PKHD1: variants seen among roughly 807,000 people sequenced by gnomAD.
PKHD1 encodes the protein PKHD1 ciliary IPT domain containing fibrocystin/polyductin.
PKHD1 carries 291 observed loss-of-function variants against 412.0 expected under a neutral mutation model. The observed-to-expected ratio is 0.71, with a 90% CI of 0.64 to 0.78. The LOEUF is 0.78. Ranked by LOEUF, PKHD1 falls within the 30% of genes least tolerant of loss-of-function variation. PKHD1 has a pLI of 0.00. For synonymous variants in PKHD1, 1,777 were observed against 1,821.5 expected (o/e 0.98, Z 0.62); for missense variants, 4,825 against 4,950.7 (o/e 0.97, Z 0.76).
chr6:51,996,981 G>A (rs968637163), intron 35 of PKHD1, among the ~76,000 whole-genome samples: 2 of 152,186 alleles, frequency 1.3e-5, no homozygotes, highest in African/African-American at 4.8e-5. Flanking sequence ...TCACTCATTG[G>A]CCAAAACCAA....
rs1375847774 is a variant in PKHD1 at position 52,010,338 on chromosome 6, T to C, written c.5722A>G (p.Ile1908Val). Residue 1908 changes from isoleucine (I) to valine (V), a missense_variant, in exon 35 of 67, where the codon ATA (isoleucine) becomes GTA (valine). Coordinates refer to ENST00000371117, the MANE Select transcript of PKHD1 (RefSeq NM_138694.4). ...GTGTTCTGGCCCCAGCGTTTCCGTA[T>C]CTCAGTAATCTTGACGGTAATTGGC... ...NQPITVKITE[I>V]RKRWGQNTQG... 2 of 1,613,818 alleles carry C rather than the reference T, an allele frequency of 1.2e-6. No individual in the cohort carries two copies. The highest frequency in any genetic ancestry group is 2.2e-5 in the East Asian group (1 of 44,892).
At chr6:52,036,951 T>C (rs1305434695) in intron 27 of PKHD1, among the ~76,000 whole-genome samples, 1 of 152,148 alleles carries the variant, frequency 6.6e-6, no homozygotes, top group African/African-American at 2.4e-5. Flanking sequence ...TTCTTAAGTT[T>C]AATGAAAAAT....
At chr6:51,739,988 G>T (rs1466684474) in intron 60 of PKHD1, 1 of 518,942 alleles carries the variant, frequency 1.9e-6, no homozygotes, top group South Asian at 1.4e-5. Context: ...AATTCTACCT[G>T]AATGGGACAT....
At chr6:52,081,713 T>C (rs2128242374) in intron 4 of PKHD1, among the ~76,000 whole-genome samples, 1 of 152,304 alleles carries the variant, frequency 6.6e-6, no homozygotes, top group Non-Finnish European at 1.5e-5. Flanking sequence ...AAAGGTGGCA[T>C]TTGTGGTATG....
intron 35 of PKHD1, among the ~76,000 whole-genome samples, chr6:51,998,925 A>C (rs1230840082): frequency 6.6e-6 from 1 of 152,186 alleles, no homozygotes; most frequent in African/African-American, 2.4e-5. Context: ...TTGTTGGGAT[A>C]TCCACAACCC....
chr6:51,815,538 ACT>A (rs1765317355), intron 52 of PKHD1, among the ~76,000 whole-genome samples: 1 of 152,180 alleles, frequency 6.6e-6, no homozygotes, highest in African/African-American at 2.4e-5. Context: ...AGTAAAAATA[ACT>A]GGAAAAGAAA....
rs185596231 is a variant in PKHD1, at chr6:52,071,968, T to C, written c.602+147A>G. 1.5e-5 allele frequency: 10 copies of C among 671,620 alleles called. No individual in the cohort carries two copies. The African/African-American group carries it at 1.6e-4, about 11-fold the overall frequency. 41.6% of individuals were successfully genotyped at this position (671,620 alleles called of 1,614,324 possible). A position where few individuals can be genotyped will look rare whatever the true frequency, so the allele number is the denominator to read the frequency against. ...TGTGTCTTTTTCAGTAGTCTAAAGA[T>C]AAGGTAGTAAATAGCTATGTGTGAT... On this transcript the variant is annotated intron_variant, in intron 8 of 66. Coordinates refer to ENST00000371117, the MANE Select transcript of PKHD1 (RefSeq NM_138694.4).
At chr6:51,622,028 A>G (rs1766686234) in intron 66 of PKHD1, 1 of 152,186 alleles carries the variant, frequency 6.6e-6, no homozygotes. Context: ...CTGTTCCTCC[A>G]TGCCTCTTAG....
chr6:51,810,493 GT>G (rs1764530594), intron 52 of PKHD1, among the ~76,000 whole-genome samples: 1 of 152,114 alleles, frequency 6.6e-6, no homozygotes, highest in African/African-American at 2.4e-5. Context: ...AGTATCCCAA[GT>G]TTTCCAAGAC....
At position 51,939,228 on chromosome 6, in the gene PKHD1, ACC is replaced by A. The variant is rs1788065316; in HGVS notation, c.5909-4908_5909-4907del. Among the ~76,000 whole-genome samples the A allele has an allele frequency of 6.8e-5, 10 of 147,482 alleles. 1 individual carries two copies. The South Asian group carries it at 2.2e-3, about 32-fold the overall frequency. On this transcript the variant is annotated intron_variant, in intron 36 of 66. Transcript: ENST00000371117. ...TTTCTGGGGGGCAAGAACCCCCCCA[ACC>A]CCTTCTCCTTCACCCTTAGTGGCAA...
Position 51,920,303 on chromosome 6 carries a change from C to T in PKHD1, c.6122-7727G>A, listed in dbSNP as rs138471678. Reference sequence around the variant, plus strand: ...CTTATGAGTTTGACATACATCCCGTCAATACCTAGTTTATTCAGAGTTTTT... The same window carrying T: ...CTTATGAGTTTGACATACATCCCGTTAATACCTAGTTTATTCAGAGTTTTT... On this transcript the variant is annotated intron_variant, in intron 37 of 66. Coordinates refer to ENST00000371117, the MANE Select transcript of PKHD1 (RefSeq NM_138694.4). Among the ~76,000 whole-genome samples, 23 of 152,320 alleles carry T rather than the reference C, an allele frequency of 1.5e-4. No homozygotes were observed. In the East Asian group the frequency reaches 3.7e-3, roughly 24 times the overall value.
intron 50 of PKHD1, among the ~76,000 whole-genome samples, chr6:51,842,553 ATCAAC>A (rs1417327012): frequency 2.6e-5 from 4 of 152,104 alleles, no homozygotes; most frequent in Non-Finnish European, 5.9e-5. Flanking sequence ...ATTATGAATA[ATCAAC>A]TCAAGATTGT....
intron 52 of PKHD1, among the ~76,000 whole-genome samples, chr6:51,827,570 T>C (rs1040019492): frequency 3.3e-5 from 5 of 152,164 alleles, no homozygotes; most frequent in African/African-American, 1.2e-4. Flanking sequence ...TAACTGCCCC[T>C]CTAATTCTTA....
At chr6:51,857,162 A>T (rs1773436984) in intron 48 of PKHD1, among the ~76,000 whole-genome samples, 1 of 152,156 alleles carries the variant, frequency 6.6e-6, no homozygotes, top group Non-Finnish European at 1.5e-5. Flanking sequence ...GCCAATGATT[A>T]GACCCCTAAA....
intron 64 of PKHD1, among the ~76,000 whole-genome samples, chr6:51,635,876 C>CGGGGGGGGGGGAGG (rs1581768607): frequency 2.4e-5 from 1 of 41,506 alleles, no homozygotes; most frequent in Non-Finnish European, 5.3e-5. Context: ...GGCGGGGGGC[C>CGGGGGGGGGGGAGG]GGGGGCGGAT....
At chr6:51,835,561 A>G (rs1769060402) in intron 51 of PKHD1, among the ~76,000 whole-genome samples, 1 of 152,194 alleles carries the variant, frequency 6.6e-6, no homozygotes, top group Non-Finnish European at 1.5e-5. Context: ...TAAACAAGGC[A>G]TTTTGAACCA....
chr6:51,797,885 G>A (rs1794846891), intron 52 of PKHD1, among the ~76,000 whole-genome samples: 1 of 152,092 alleles, frequency 6.6e-6, no homozygotes, highest in African/African-American at 2.4e-5. Flanking sequence ...TGTTTATGTG[G>A]TTGCTCCATA....
rs886043527 is a variant in PKHD1, at chr6:52,083,186, A to T, written c.122T>A (p.Ile41Asn). Residue 41 changes from isoleucine (I) to asparagine (N), a missense_variant, in exon 3 of 67, where the codon ATT becomes AAT. By Grantham distance (149) the Ile-to-Asn change is moderately radical (BLOSUM62 -3). Coordinates refer to ENST00000371117, the MANE Select transcript of PKHD1 (RefSeq NM_138694.4). ...SLAGGTWITV[I>N]FDGLELGVLY... ...GTAAAACCCCAACCTACCATCAAAAATGACTGTGATCCACGTTCCCCCTGC... is the reference window on the plus strand; with the variant it reads ...GTAAAACCCCAACCTACCATCAAAATTGACTGTGATCCACGTTCCCCCTGC... The T allele has an allele frequency of 6.2e-7, 1 of 1,604,692 alleles. No homozygotes were observed. Among genetic ancestry groups the T allele is most frequent in the Non-Finnish European group, 8.5e-7 (1 of 1,171,376 alleles).
chr6:51,661,364 T>C (rs571753859), intron 60 of PKHD1, among the ~76,000 whole-genome samples: 2 of 151,602 alleles, frequency 1.3e-5, no homozygotes, highest in South Asian at 4.2e-4. Context: ...AGAGAAGGGG[T>C]AGTAACATCC....
Sources: allele counts gnomAD v4.1 joint callset (sites outside exome capture counted in the v4.1 genomes callset), GRCh38; gene constraint gnomAD v4.1.1; transcripts MANE v1.5; gene names NCBI Gene and HGNC (gene_info 2026-07-23, HGNC 2026-07-21).